Variants in PARP1 observed in about 807,000 individuals in gnomAD.
PARP1 encodes the protein poly(ADP-ribose) polymerase 1.
Under a neutral mutation model 118.7 loss-of-function variants are expected in PARP1, and 44 were observed. The ratio of observed to expected loss-of-function variants is 0.37; its 90% CI spans 0.29 to 0.48. The LOEUF (loss-of-function observed/expected upper bound fraction) is 0.48. PARP1 is among the 20% of genes least tolerant of loss of function. The pLI is 0.99. For missense variants in PARP1, 1,100 were observed against 1,272.4 expected (o/e 0.86, Z 2.06); for synonymous variants, 492 against 483.2 (o/e 1.02, Z -0.24).
intron 13 of PARP1, among the ~76,000 whole-genome samples, chr1:226,375,645 AT>A (rs1280731412): frequency 6.6e-6 from 1 of 152,238 alleles, no homozygotes; most frequent in Non-Finnish European, 1.5e-5. Context: ...TAATAATTTT[AT>A]TGGTATTGAT....
chr1:226,408,005 C>A lies in PARP1; in HGVS notation c.-76G>T, dbSNP rs1665187367. On this transcript the variant is annotated 5_prime_UTR_variant, in exon 1 of 23. Transcript: ENST00000366794. ...AACACGCTGCCGCCTCGCCGCCTCG[C>A]GTGCGCTCACCCAGCCGCAGGCGCC... is the stretch of plus-strand genomic sequence containing the variant. 6.3e-7 allele frequency: 1 copy of A among 1,595,536 alleles called. No individual in the cohort carries two copies. The highest frequency in any genetic ancestry group is 1.7e-5 in the Admixed American group (1 of 57,376).
intron 11 of PARP1, 129 bp downstream of exon 11, chr1:226,379,444 G>T: frequency 1.8e-6 from 2 of 1,137,904 alleles, no homozygotes; most frequent in South Asian, 2.5e-5. Context: ...TGGTGAAGGA[G>T]GCCTGAGTGA....
In PARP1 at chr1:226,408,042, A is replaced by G. The variant is rs1665187994; in HGVS notation, c.-113T>C. Reference sequence around the variant, plus strand: ...CAGCCGCAGGCGCCTGAGCGGCCAGAGCCGCCACCGAACACGCCGCACCGG... The same window carrying G: ...CAGCCGCAGGCGCCTGAGCGGCCAGGGCCGCCACCGAACACGCCGCACCGG... On this transcript the variant is annotated 5_prime_UTR_variant, in exon 1 of 23. Transcript: ENST00000366794. 2.7e-6 allele frequency: 4 copies of G among 1,493,052 alleles called. No individual in the cohort carries two copies. Among genetic ancestry groups the G allele is most frequent in the East Asian group, 2.4e-5 (1 of 41,684 alleles). The allele number at this position is 1,493,052 out of a possible 1,614,324, so 92.5% of individuals were successfully genotyped here.
chr1:226,394,908 T>C (rs567903356), intron 2 of PARP1, among the ~76,000 whole-genome samples: 1 of 152,342 alleles, frequency 6.6e-6, no homozygotes, highest in African/African-American at 2.4e-5. Context: ...AATGACACGA[T>C]TAAATTAATA....
rs1558237156 is a variant in PARP1, at chr1:226,379,627, C to T, written c.1558G>A (p.Glu520Lys). The change falls in exon 11 of 23, where the codon GAA (glutamate) becomes AAA (lysine). Residue 520 changes from glutamate (E) to lysine (K), a missense_variant. Around this residue, in one of 2 missense-constraint regions of PARP1, gnomAD observed 948 missense variants for 1,031.8 expected, o/e 0.92. Transcript: ENST00000366794. ...TTAAGAGTTAATTTCATTCTCTTTTCAGATTTGTTGATACCTTGGAGGAGA... is the reference window on the plus strand; with the variant it reads ...TTAAGAGTTAATTTCATTCTCTTTTTAGATTTGTTGATACCTTGGAGGAGA... ...QVKEEGINKS[E>K]KRMKLTLKGG... 4 of 1,610,838 alleles carry T rather than the reference C, an allele frequency of 2.5e-6. No homozygotes were observed. The highest frequency in any genetic ancestry group is 3.4e-6 in the Non-Finnish European group (4 of 1,177,920).
At chr1:226,392,874 T>C in intron 2 of PARP1, 2 of 1,527,922 alleles carry the variant, frequency 1.3e-6, no homozygotes, top group South Asian at 1.3e-5. Flanking sequence ...ACTGGATTCT[T>C]CTCTTATTAT....
At chr1:226,385,463 T>C (rs759202611) in intron 7 of PARP1, 41 bp downstream of exon 7, 2 of 1,595,894 alleles carry the variant, frequency 1.3e-6, no homozygotes, top group Admixed American at 1.7e-5. Flanking sequence ...GGGGCCAGGT[T>C]TTTCTCCCAA....
In PARP1 at chr1:226,385,618, C is replaced by A. The variant is rs1444131864; in HGVS notation, c.897G>T (p.Ser299=). 5 of 1,614,126 alleles carry A rather than the reference C, an allele frequency of 3.1e-6. No homozygotes were observed. Among genetic ancestry groups the A allele is most frequent in the Non-Finnish European group, 4.2e-6 (5 of 1,179,990 alleles). Residue 299 remains serine, a synonymous_variant, in exon 7 of 23, where the codon TCG becomes TCT. Coordinates refer to ENST00000366794, the MANE Select transcript of PARP1 (RefSeq NM_001618.4). The stretch of plus-strand genomic sequence containing the variant: ...CATCGCTCTTGAAGACCAGCTGACC[C>A]GAGCATTCCTCGCAGGGAAGGAGGG... ...FGALLPCEEC[S]GQLVFKSDAY...
Position 226,407,816 on chromosome 1 carries a change from C to G in PARP1, c.114G>C (p.Met38Ile). ...CCCGCACAGCGGCCCGCACCTGCAC[C>G]ATGATGGCCATCCGGAGCGAGTCCT... is the stretch of plus-strand genomic sequence containing the variant. ...IPKDSLRMAI[M>I]VQSPMFDGKV... The change falls in exon 1 of 23, where the codon ATG becomes ATC. Residue 38 changes from methionine (M) to isoleucine (I), a missense_variant. Physicochemically the swap from Met to Ile is conservative, Grantham distance 10. Around this residue, in one of 2 missense-constraint regions of PARP1, gnomAD observed 948 missense variants for 1,031.8 expected, o/e 0.92. Transcript: ENST00000366794. The G allele has an allele frequency of 6.4e-7, 1 of 1,572,002 alleles. No individual in the cohort carries two copies. The highest frequency in any genetic ancestry group is 1.4e-5 in the African/African-American group (1 of 73,956).
At chr1:226,406,286 T>C (rs1295189753) in intron 1 of PARP1, among the ~76,000 whole-genome samples, 8 of 152,202 alleles carry the variant, frequency 5.3e-5, no homozygotes, top group East Asian at 1.9e-4. Context: ...TTTTTTCTTA[T>C]CTAAACTCAT....
At chr1:226,362,117 T>C (rs1401257400) in intron 21 of PARP1, 34 bp from the exon 22 acceptor site, 2 of 1,176,504 alleles carry the variant, frequency 1.7e-6, no homozygotes, top group Non-Finnish European at 2.6e-6. Context: ...ACATGAACTG[T>C]GAGTACAGAT....
At chr1:226,386,234 C>T (rs572867240) in intron 6 of PARP1, 92 bp downstream of exon 6, 60 of 803,788 alleles carry the variant, frequency 7.5e-5, no homozygotes, top group African/African-American at 4.4e-4. Flanking sequence ...GGTGTTCACA[C>T]GGAGGGCCTC....
intron 5 of PARP1, among the ~76,000 whole-genome samples, chr1:226,387,452 C>A (rs1370774037): frequency 6.6e-6 from 1 of 152,196 alleles, no homozygotes; most frequent in Non-Finnish European, 1.5e-5. Flanking sequence ...CCAGCCCTAT[C>A]ATATCCTATA....
At position 226,393,829 on chromosome 1, in the gene PARP1, G is replaced by A. The variant is rs542587350; in HGVS notation, c.287-1515C>T. On this transcript the variant is annotated intron_variant, in intron 2 of 22. Transcript: ENST00000366794. ...TCACTGAACTGTATACGTAAGATCTGTGCATGTAACTATGTAAATCATTTT... is the reference window on the plus strand; with the variant it reads ...TCACTGAACTGTATACGTAAGATCTATGCATGTAACTATGTAAATCATTTT... Among the ~76,000 whole-genome samples, 9 of 152,322 alleles carry A rather than the reference G, an allele frequency of 5.9e-5. No homozygotes were observed. In the East Asian group the frequency reaches 1.5e-3, roughly 26 times the overall value.
chr1:226,402,901 T>C (rs1197886022), intron 1 of PARP1, among the ~76,000 whole-genome samples: 2 of 152,158 alleles, frequency 1.3e-5, no homozygotes, highest in African/African-American at 4.8e-5. Flanking sequence ...AAGTCCCAGA[T>C]AATGAGCAAA....
At chr1:226,372,458 G>A (rs1382004662) in intron 14 of PARP1, among the ~76,000 whole-genome samples, 2 of 152,176 alleles carry the variant, frequency 1.3e-5, no homozygotes, top group Admixed American at 1.3e-4. Flanking sequence ...GATCATCTGA[G>A]GTTAGGAGTT....
Position 226,386,320 on chromosome 1 carries a change from G to A in PARP1, c.834+6C>T. ...GCGTGTCCCACTTAACACAAAGGCAGCTCACCGCCGACTCCCCAGAAGGCA... is the reference window on the plus strand; with the variant it reads ...GCGTGTCCCACTTAACACAAAGGCAACTCACCGCCGACTCCCCAGAAGGCA... On this transcript the variant is annotated splice_donor_region_variant and intron_variant, in intron 6 of 22. Transcript: ENST00000366794. The A allele has an allele frequency of 1.9e-6, 3 of 1,569,526 alleles. No homozygotes were observed. The highest frequency in any genetic ancestry group is 2.6e-6 in the Non-Finnish European group (3 of 1,139,416).
In PARP1 at chr1:226,386,119, C is replaced by T. The variant is rs998216956; in HGVS notation, c.834+207G>A. ...AACATGTGGAAGATGTCTGGTGGGG[C>T]GTGTGAATGCCGGCCCCATCCACCC... On this transcript the variant is annotated intron_variant, in intron 6 of 22. Transcript: ENST00000366794. Among the ~76,000 whole-genome samples the T allele has an allele frequency of 7.2e-5, 11 of 152,288 alleles. No homozygotes were observed. In the South Asian group the frequency reaches 1.7e-3, roughly 23 times the overall value.
chr1:226,385,467 C>T (rs1456784060), intron 7 of PARP1, 37 bp downstream of exon 7: 1 of 1,601,352 alleles, frequency 6.2e-7, no homozygotes, highest in Non-Finnish European at 8.6e-7. Flanking sequence ...CCAGGTTTTT[C>T]TCCCAACAGA....
Sources: gnomAD v4.1 joint callset for allele counts (sites outside exome capture counted in the v4.1 genomes callset) on GRCh38, gnomAD v4.1.1 for gene constraint, gnomAD v4.1.1 regional missense constraint, MANE v1.5 for transcripts, NCBI Gene and HGNC (gene_info 2026-07-23, HGNC 2026-07-21) for gene names.